The following SLC29A3 variants were observed in gnomAD, a reference collection of about 807,000 sequenced individuals.
The protein encoded by SLC29A3 is solute carrier family 29 member 3.
SLC29A3 carries 18 observed loss-of-function variants against 25.4 expected under a neutral mutation model. That is an observed-to-expected ratio of 0.71 (90% CI 0.49 to 1.05). SLC29A3 has a LOEUF of 1.05. Among genes scored for constraint, SLC29A3 ranks in the 50% least tolerant of loss-of-function variants. The pLI, the probability that SLC29A3 is intolerant of heterozygous loss-of-function variation, is 0.00. For synonymous variants in SLC29A3, 258 were observed against 267.1 expected (o/e 0.97, Z 0.33); for missense variants, 586 against 609.0 (o/e 0.96, Z 0.40).
At chr10:71,340,086 A>G (rs1418936377) in intron 2 of SLC29A3, among the ~76,000 whole-genome samples, 1 of 152,196 alleles carries the variant, frequency 6.6e-6, no homozygotes, top group Non-Finnish European at 1.5e-5. Flanking sequence ...CCATGAGATT[A>G]CTAACCAGCC....
chr10:71,368,090 C>A (rs1294843809), downstream of SLC29A3, among the ~76,000 whole-genome samples: 1 of 152,050 alleles, frequency 6.6e-6, no homozygotes, highest in African/African-American at 2.4e-5. Context: ...ATTAGCCAGG[C>A]CTAGTGGTAC....
intron 2 of SLC29A3, among the ~76,000 whole-genome samples, chr10:71,330,083 G>T (rs559389552): frequency 6.6e-6 from 1 of 152,216 alleles, no homozygotes; most frequent in Non-Finnish European, 1.5e-5. Context: ...AGCTCCACCC[G>T]CAAGCCCACA....
intron 2 of SLC29A3, among the ~76,000 whole-genome samples, chr10:71,333,098 C>T (rs773134946): frequency 3.9e-5 from 6 of 152,230 alleles, no homozygotes; most frequent in Non-Finnish European, 8.8e-5. Context: ...GTCTCTTTAA[C>T]ATGATTGATA....
chr10:71,363,332 TACA>T lies in SLC29A3; in HGVS notation c.*728_*730del, dbSNP rs1564544328. On this transcript the variant is annotated 3_prime_UTR_variant, in exon 6 of 6. Transcript: ENST00000373189. Reference sequence around the variant, plus strand: ...ATGAGGGTCTTTCAGTGTTCCTGTTTACAACATGTCAAAGCCATTGGTTCAAGG... The same window carrying T: ...ATGAGGGTCTTTCAGTGTTCCTGTTTACATGTCAAAGCCATTGGTTCAAGG... The T allele has an allele frequency of 4.4e-6, 2 of 454,144 alleles. No homozygotes were observed. Among genetic ancestry groups the T allele is most frequent in the South Asian group, 3.1e-5 (2 of 64,478 alleles). 28.1% of individuals were successfully genotyped at this position (454,144 alleles called of 1,614,324 possible).
intron 3 of SLC29A3, among the ~76,000 whole-genome samples, chr10:71,346,661 C>T (rs574307419): frequency 3.3e-5 from 5 of 152,280 alleles, no homozygotes; most frequent in Admixed American, 2.0e-4. Context: ...GCTATGGTCA[C>T]GTCACTGCAC....
intron 2 of SLC29A3, among the ~76,000 whole-genome samples, chr10:71,332,137 C>G (rs1589225030): frequency 6.8e-6 from 1 of 146,294 alleles, no homozygotes; most frequent in Non-Finnish European, 1.5e-5. Flanking sequence ...CTTCTCTTTT[C>G]TTTTTCTTTT....
At chr10:71,326,163 G>A (rs10999775) in intron 2 of SLC29A3, among the ~76,000 whole-genome samples, 72,039 of 151,636 alleles carry the variant, frequency 0.48, 18,066 homozygotes, top group African/African-American at 0.65. Flanking sequence ...CAAGAGATCC[G>A]CCCGCCTCAG....
In SLC29A3 at chr10:71,362,191, G is replaced by A. The variant is rs151273259; in HGVS notation, c.1011G>A (p.Ser337=). ...ACATCGAGTCCCTCAACAAGGGTTC[G>A]GGCTCACTGTGGACCACCAAGTTTT... ...CTNIESLNKG[S]GSLWTTKFFI... is the part of the protein sequence containing the mutation. Residue 337 remains serine (S), a synonymous_variant, in exon 6 of 6, where the codon TCG becomes TCA. Coordinates refer to ENST00000373189, the MANE Select transcript of SLC29A3 (RefSeq NM_018344.6). 42 of 1,613,970 alleles carry A rather than the reference G, an allele frequency of 2.6e-5. No homozygotes were observed. In the African/African-American group the frequency reaches 2.8e-4, roughly 11 times the overall value.
chr10:71,344,825 A>G (rs1846522472), intron 3 of SLC29A3, among the ~76,000 whole-genome samples: 1 of 152,218 alleles, frequency 6.6e-6, no homozygotes, highest in Non-Finnish European at 1.5e-5. Context: ...TGCTGGCTCA[A>G]ATTCTCAATT....
chr10:71,362,696 T>A lies in SLC29A3; in HGVS notation c.*88T>A. 1 of 1,563,902 alleles carries A rather than the reference T, an allele frequency of 6.4e-7. No homozygotes were observed. Among genetic ancestry groups the A allele is most frequent in the Non-Finnish European group, 8.8e-7 (1 of 1,142,680 alleles). Reference sequence around the variant, plus strand: ...GGCTGGGGGCCATGGAGGAAAGGCCTAAAGTTTCACTTGGGGACAGAGAGC... The same window carrying A: ...GGCTGGGGGCCATGGAGGAAAGGCCAAAAGTTTCACTTGGGGACAGAGAGC... On this transcript the variant is annotated 3_prime_UTR_variant, in exon 6 of 6. Transcript: ENST00000373189.
chr10:71,343,172 T>C (rs1846459268), intron 2 of SLC29A3, among the ~76,000 whole-genome samples: 1 of 152,176 alleles, frequency 6.6e-6, no homozygotes, highest in African/African-American at 2.4e-5. Context: ...AGAGTCTCAC[T>C]ATTTGCCCAG....
At chr10:71,321,961 A>G (rs1845854638) in intron 1 of SLC29A3, among the ~76,000 whole-genome samples, 1 of 152,262 alleles carries the variant, frequency 6.6e-6, no homozygotes, top group South Asian at 2.1e-4. Context: ...GTCAGAGGCT[A>G]CACACCAGCT....
downstream of SLC29A3, among the ~76,000 whole-genome samples, chr10:71,363,552 C>T (rs1423747431): frequency 1.4e-5 from 2 of 143,266 alleles, no homozygotes; most frequent in Non-Finnish European, 3.1e-5. Flanking sequence ...CAGCCTTGAA[C>T]TCCTGGGCTC....
At chr10:71,367,269 C>T (rs1847178182), downstream of SLC29A3, among the ~76,000 whole-genome samples, 2 of 152,144 alleles carry the variant, frequency 1.3e-5, no homozygotes, top group Non-Finnish European at 2.9e-5. Flanking sequence ...GCTGAGGTGA[C>T]CCCTGCATGG....
rs748117635 is a variant in SLC29A3, at chr10:71,362,074, C to G, written c.894C>G (p.Leu298=). The stretch of plus-strand genomic sequence containing the variant: ...TCATTGATTCCCACACACCCCCTCT[C>G]CGCCCCATCCTGAAGAAGACGGCCA... ...SRFIDSHTPP[L]RPILKKTASL... is the part of the protein sequence containing the mutation. The change falls in exon 6 of 6, where the codon CTC becomes CTG. Residue 298 remains leucine, a synonymous_variant. Coordinates refer to ENST00000373189, the MANE Select transcript of SLC29A3 (RefSeq NM_018344.6). The G allele has an allele frequency of 6.2e-7, 1 of 1,614,066 alleles. No homozygotes were observed. The highest frequency in any genetic ancestry group is 8.5e-7 in the Non-Finnish European group (1 of 1,180,044).
rs76709689 is a variant in SLC29A3 at position 71,323,186 on chromosome 10, T to A, written c.300+132T>A. 6.4e-3 allele frequency: 7,795 copies of A among 1,219,050 alleles called. 312 individuals are homozygous for A. In the African/African-American group the frequency reaches 0.089, roughly 14 times the overall value. 75.5% of individuals were successfully genotyped at this position (1,219,050 alleles called of 1,614,324 possible). ...CTTACTGTTTAGCTTGGGAAGAAGA[T>A]GCAAATTATGGTTCCATGTGGTGTG... On this transcript the variant is annotated intron_variant, in intron 2 of 5. Coordinates refer to ENST00000373189, the MANE Select transcript of SLC29A3 (RefSeq NM_018344.6).
intron 4 of SLC29A3, among the ~76,000 whole-genome samples, chr10:71,377,502 G>A (rs1392113535): frequency 6.6e-6 from 1 of 152,196 alleles, no homozygotes; most frequent in African/African-American, 2.4e-5. Flanking sequence ...CGGGAGCCGC[G>A]GGGCAGGCCG....
At position 71,322,910 on chromosome 10, in the gene SLC29A3, C is replaced by G. The variant is rs1589220108; in HGVS notation, c.156C>G (p.Gly52=). ...GLQRPEDRFC[G]TYIIFFSLGI... ...AGAGGCCCGAGGACCGCTTCTGTGG[C>G]ACATACATCATCTTCTTCAGCCTGG... is the stretch of plus-strand genomic sequence containing the variant. Residue 52 remains glycine (G), a synonymous_variant, in exon 2 of 6, where the codon GGC becomes GGG. Coordinates refer to ENST00000373189, the MANE Select transcript of SLC29A3 (RefSeq NM_018344.6). 1 of 1,614,122 alleles carries G rather than the reference C, an allele frequency of 6.2e-7. No individual in the cohort carries two copies. Among genetic ancestry groups the G allele is most frequent in the Non-Finnish European group, 8.5e-7 (1 of 1,180,060 alleles).
intron 3 of SLC29A3, among the ~76,000 whole-genome samples, chr10:71,350,328 T>TGTGG (rs1846720489): frequency 6.8e-6 from 1 of 146,578 alleles, no homozygotes; most frequent in South Asian, 2.1e-4. Flanking sequence ...TGTGTGTGTG[T>TGTGG]GTGTGTGTGT....
Sources: gnomAD v4.1 joint callset for allele counts (sites outside exome capture counted in the v4.1 genomes callset) on GRCh38, gnomAD v4.1.1 for gene constraint, MANE v1.5 for transcripts, NCBI Gene and HGNC (gene_info 2026-07-23, HGNC 2026-07-21) for gene names.